SORL1: variants seen among roughly 807,000 people sequenced by gnomAD.
SORL1 encodes sortilin related receptor 1, also known as sortilin-related receptor.
SORL1 carries 127 observed loss-of-function variants against 273.7 expected under a neutral mutation model. That is an observed-to-expected ratio of 0.46 (90% confidence interval 0.40 to 0.54). The LOEUF (loss-of-function observed/expected upper bound fraction) is 0.54, where lower values mean the gene tolerates loss of function less well. Ranked by LOEUF, SORL1 falls within the 20% of genes least tolerant of loss-of-function variation. The pLI is 0.00. For synonymous variants in SORL1, 1,031 were observed against 1,067.4 expected (o/e 0.97, Z 0.66); for missense variants, 2,494 against 2,846.1 (o/e 0.88, Z 2.81).
chr11:121,536,223 G>A (rs896507068), intron 12 of SORL1, among the ~76,000 whole-genome samples: 5 of 152,052 alleles, frequency 3.3e-5, no homozygotes, highest in Admixed American at 6.5e-5. Context: ...AAGACTCCAC[G>A]CAGCAGAGCA....
chr11:121,626,525 T>G (rs1170702209), intron 46 of SORL1: 2 of 152,224 alleles, frequency 1.3e-5, no homozygotes, highest in Non-Finnish European at 2.9e-5. Context: ...ATTGTTAGAT[T>G]AGGTTTGCAA....
At chr11:121,493,264 T>A (rs1470659867) in intron 5 of SORL1, among the ~76,000 whole-genome samples, 1 of 151,284 alleles carries the variant, frequency 6.6e-6, no homozygotes, top group East Asian at 2.0e-4. Context: ...ATGGTTTGTT[T>A]TATTTATTTG....
At chr11:121,459,132 T>C (rs1174934179) in intron 1 of SORL1, among the ~76,000 whole-genome samples, 3 of 152,252 alleles carry the variant, frequency 2.0e-5, no homozygotes, top group Non-Finnish European at 4.4e-5. Context: ...CTGTTCACCA[T>C]GTTCACTAGT....
intron 11 of SORL1, among the ~76,000 whole-genome samples, chr11:121,523,438 G>A (rs1565323977): frequency 1.3e-5 from 2 of 152,072 alleles, no homozygotes; most frequent in Admixed American, 6.5e-5. Context: ...GCTGGGCTAT[G>A]TTGTATAGGC....
intron 3 of SORL1, among the ~76,000 whole-genome samples, 163 bp downstream of exon 3, chr11:121,478,406 C>G (rs1005314543): frequency 2.0e-5 from 3 of 152,180 alleles, no homozygotes; most frequent in African/African-American, 7.2e-5. Context: ...TGACAGACTG[C>G]TGTTCTCAGG....
intron 3 of SORL1, among the ~76,000 whole-genome samples, chr11:121,483,876 G>A (rs1861433395): frequency 6.6e-6 from 1 of 152,126 alleles, no homozygotes; most frequent in Non-Finnish European, 1.5e-5. Context: ...TAGAAGCCAA[G>A]TCTTCATGGG....
At chr11:121,455,008 T>C (rs139932853) in intron 1 of SORL1, among the ~76,000 whole-genome samples, 1 of 152,212 alleles carries the variant, frequency 6.6e-6, no homozygotes, top group Non-Finnish European at 1.5e-5. Flanking sequence ...CAAGTTCCAC[T>C]TTGTAATCAC....
chr11:121,623,100 A>G (rs1863746562), intron 45 of SORL1, among the ~76,000 whole-genome samples: 1 of 152,264 alleles, frequency 6.6e-6, no homozygotes, highest in African/African-American at 2.4e-5. Context: ...ATATCCTTAA[A>G]TAGAAGGAAA....
At chr11:121,466,329 A>G (rs1861081824) in intron 1 of SORL1, among the ~76,000 whole-genome samples, 1 of 152,018 alleles carries the variant, frequency 6.6e-6, no homozygotes, top group African/African-American at 2.4e-5. Context: ...GGGATTGGCG[A>G]TGGAAAAAGG....
At chr11:121,495,993 A>T (rs967443455) in intron 5 of SORL1, among the ~76,000 whole-genome samples, 3 of 152,216 alleles carry the variant, frequency 2.0e-5, no homozygotes, top group African/African-American at 7.2e-5. Context: ...AAGGAATAAG[A>T]CTGATTCTAA....
At position 121,555,108 on chromosome 11, in the gene SORL1, G is replaced by T. The variant is rs1279186483; in HGVS notation, c.2440-79G>T. On this transcript the variant is annotated intron_variant, in intron 17 of 47. Coordinates refer to ENST00000260197, the MANE Select transcript of SORL1 (RefSeq NM_003105.6). ...TGCCAGTCCTGCCAGTTGAATAAAG[G>T]GTTACCCTTCATGGGACTGACTTGG... 5.5e-6 allele frequency: 8 copies of T among 1,446,460 alleles called. No individual in the cohort carries two copies. The South Asian group carries it at 8.7e-5, about 16-fold the overall frequency. The allele number at this position is 1,446,460 out of a possible 1,614,324, so 89.6% of individuals were successfully genotyped here. A position where few individuals can be genotyped will look rare whatever the true frequency, so the allele number is the denominator to read the frequency against.
intron 2 of SORL1, among the ~76,000 whole-genome samples, chr11:121,476,782 CCCTT>C (rs1332538970): frequency 1.5e-4 from 21 of 137,912 alleles, no homozygotes; most frequent in African/African-American, 4.6e-4. Context: ...CTCCCTCCCT[CCCTT>C]CCTTCCTCCC....
chr11:121,481,962 C>G (rs1205257592), intron 3 of SORL1, among the ~76,000 whole-genome samples: 2 of 151,894 alleles, frequency 1.3e-5, no homozygotes, highest in East Asian at 3.9e-4. Context: ...AGCTCCTCCC[C>G]TAGTGCACAG....
intron 35 of SORL1, 31 bp from the exon 36 acceptor site, chr11:121,606,814 G>A (rs1565352475): frequency 1.2e-5 from 18 of 1,536,778 alleles, no homozygotes; most frequent in East Asian, 2.3e-5. Context: ...TATGCAGATG[G>A]GTTTTAACCT....
intron 12 of SORL1, among the ~76,000 whole-genome samples, chr11:121,542,256 A>G (rs1862358917): frequency 6.6e-6 from 1 of 152,208 alleles, no homozygotes; most frequent in Non-Finnish European, 1.5e-5. Flanking sequence ...CTTATAGACT[A>G]TATTTTCTCA....
At chr11:121,581,210 A>G (rs1042037854) in intron 25 of SORL1, among the ~76,000 whole-genome samples, 1 of 152,180 alleles carries the variant, frequency 6.6e-6, no homozygotes, top group Non-Finnish European at 1.5e-5. Flanking sequence ...ACCACGCCTC[A>G]TGCGTTTCTT....
At chr11:121,483,086 G>T (rs1861418638) in intron 3 of SORL1, among the ~76,000 whole-genome samples, 1 of 152,340 alleles carries the variant, frequency 6.6e-6, no homozygotes, top group Admixed American at 6.5e-5. Context: ...GCTGTTATTT[G>T]CTTACTTAAT....
intron 12 of SORL1, among the ~76,000 whole-genome samples, chr11:121,540,874 GT>G (rs1040626490): frequency 1.3e-5 from 2 of 152,210 alleles, no homozygotes; most frequent in Non-Finnish European, 2.9e-5. Context: ...ACTTGGCAAC[GT>G]ACACATAGAT....
chr11:121,593,676 G>A (rs765420182), intron 31 of SORL1, among the ~76,000 whole-genome samples: 28 of 152,092 alleles, frequency 1.8e-4, no homozygotes, highest in African/African-American at 4.3e-4. Flanking sequence ...ATATGATGAC[G>A]CAGTGGCCAA....
Sources: gnomAD v4.1 joint callset for allele counts (sites outside exome capture counted in the v4.1 genomes callset) on GRCh38, gnomAD v4.1.1 for gene constraint, MANE v1.5 for transcripts, NCBI Gene and HGNC (gene_info 2026-07-23, HGNC 2026-07-21) for gene names.